Variants in TRDN observed in about 807,000 individuals in gnomAD.
TRDN encodes triadin, also known as triadin in skeletal muscle.
TRDN carries 161 observed loss-of-function variants against 149.7 expected under a neutral mutation model. The observed-to-expected ratio is 1.08, with a 90% CI of 0.95 to 1.23. The LOEUF is 1.23. TRDN is among the 50% of genes most tolerant of loss of function. TRDN has a pLI of 0.00. For missense variants in TRDN, 896 were observed against 823.5 expected, an observed-to-expected ratio of 1.09 and a Z score of -1.08; for synonymous variants, 294 against 250.5, an observed-to-expected ratio of 1.17 and a Z score of -1.64.
intron 1 of TRDN, among the ~76,000 whole-genome samples, chr6:123,616,169 A>G (rs1324435981): frequency 6.6e-6 from 1 of 152,056 alleles, no homozygotes. Flanking sequence ...TTGGCAACAC[A>G]GTAAGATCCT....
At chr6:123,576,658 A>G (rs1027849332) in intron 1 of TRDN, among the ~76,000 whole-genome samples, 2 of 151,674 alleles carry the variant, frequency 1.3e-5, no homozygotes, top group African/African-American at 2.4e-5. Flanking sequence ...AGTGGCCCCA[A>G]CTCCTAATGC....
chr6:123,563,372 C>G (rs981901572), intron 2 of TRDN, among the ~76,000 whole-genome samples: 1 of 152,150 alleles, frequency 6.6e-6, no homozygotes, highest in Non-Finnish European at 1.5e-5. Flanking sequence ...CTACTTCTGG[C>G]TTCTTTTATC....
chr6:123,271,141 GT>G lies in TRDN; in HGVS notation c.1717del (p.Thr573GlnfsTer20). 1 of 1,529,556 alleles carries G rather than the reference GT, an allele frequency of 6.5e-7. No homozygotes were observed. 94.7% of individuals were successfully genotyped at this position (1,529,556 alleles called of 1,614,324 possible). On this transcript the variant is annotated frameshift_variant, in exon 30 of 41. Transcript: ENST00000334268. LOFTEE classifies it high-confidence loss of function. Reference sequence around the variant, plus strand: ...AAAATATAAAATACCTTATTTACCTGTTTTTTCTATTGTGACAGCTTTTACC... The same window carrying G: ...AAAATATAAAATACCTTATTTACCTGTTTTTCTATTGTGACAGCTTTTACC... Reference protein sequence around the residue: ...KQVKAVTIEKTAKPKPTKKAE... With the variant: ...KQVKAVTIEKXAKPKPTKKAE...
At chr6:123,609,358 C>T (rs981418948) in intron 1 of TRDN, among the ~76,000 whole-genome samples, 4 of 151,896 alleles carry the variant, frequency 2.6e-5, no homozygotes, top group Non-Finnish European at 5.9e-5. Flanking sequence ...CAGCATAACC[C>T]CATTTTTGTA....
chr6:123,571,483 A>G (rs1782574672), intron 1 of TRDN, among the ~76,000 whole-genome samples: 1 of 146,548 alleles, frequency 6.8e-6, no homozygotes, highest in Admixed American at 6.7e-5. Flanking sequence ...TAATGAGGTC[A>G]TTCATGTTTT....
intron 16 of TRDN, 30 bp downstream of exon 16, chr6:123,381,340 T>G: frequency 2.6e-6 from 4 of 1,542,298 alleles, no homozygotes; most frequent in Non-Finnish European, 3.5e-6. Flanking sequence ...AAAAAAAAAG[T>G]ACACAAATAC....
chr6:123,636,883 G>A lies in TRDN; in HGVS notation c.-108C>T. 3 of 1,315,694 alleles carry A rather than the reference G, an allele frequency of 2.3e-6. No individual in the cohort carries two copies. The highest frequency in any genetic ancestry group is 3.3e-6 in the Non-Finnish European group (3 of 920,136). 81.5% of individuals were successfully genotyped at this position (1,315,694 alleles called of 1,614,324 possible). A position where few individuals can be genotyped will look rare whatever the true frequency, so the allele number is the denominator to read the frequency against. ...GTGGAGGGTTCTGTGTCAAAACCTG[G>A]GGGCTCTTCGTTTTCCTGGCTGTTT... On this transcript the variant is annotated 5_prime_UTR_variant, in exon 1 of 41. Transcript: ENST00000334268.
At chr6:123,511,488 A>C (rs1258840354) in intron 7 of TRDN, among the ~76,000 whole-genome samples, 1 of 152,168 alleles carries the variant, frequency 6.6e-6, no homozygotes, top group Admixed American at 6.6e-5. Context: ...TATTGAAAAT[A>C]AATAATTTTT....
intron 14 of TRDN, among the ~76,000 whole-genome samples, chr6:123,387,502 G>A (rs1006396068): frequency 1.1e-4 from 17 of 151,980 alleles, no homozygotes; most frequent in African/African-American, 3.1e-4. Flanking sequence ...CTGCTTGGGC[G>A]TTTACTGTGT....
chr6:123,519,030 T>C (rs955294550), intron 5 of TRDN, among the ~76,000 whole-genome samples: 6 of 152,156 alleles, frequency 3.9e-5, no homozygotes, highest in African/African-American at 1.4e-4. Flanking sequence ...GGAGTTTTCA[T>C]ATGGAAGAAG....
intron 24 of TRDN, among the ~76,000 whole-genome samples, chr6:123,279,517 A>G (rs574490536): frequency 1.3e-5 from 2 of 151,998 alleles, no homozygotes; most frequent in Admixed American, 6.6e-5. Flanking sequence ...TGAATAGTCA[A>G]CACTTTTCTC....
At chr6:123,608,836 GC>G (rs1784649189) in intron 1 of TRDN, among the ~76,000 whole-genome samples, 1 of 151,514 alleles carries the variant, frequency 6.6e-6, no homozygotes, top group African/African-American at 2.4e-5. Flanking sequence ...GAATCACTGA[GC>G]AAAAATATGA....
intron 24 of TRDN, among the ~76,000 whole-genome samples, chr6:123,281,796 G>C (rs1777591741): frequency 6.6e-6 from 1 of 152,006 alleles, no homozygotes; most frequent in Non-Finnish European, 1.5e-5. Flanking sequence ...TTCCGAGTTA[G>C]TTGTCTACAT....
intron 7 of TRDN, among the ~76,000 whole-genome samples, chr6:123,508,512 A>G (rs1779030009): frequency 6.6e-6 from 1 of 152,184 alleles, no homozygotes; most frequent in Admixed American, 6.6e-5. Context: ...TGACATCCAC[A>G]TCAATTAGAC....
rs1202359673 is a variant in TRDN at position 123,217,110 on chromosome 6, G to C, written c.*1491C>G. 1 of 151,922 alleles carries C rather than the reference G, an allele frequency of 6.6e-6. No homozygotes were observed. Among genetic ancestry groups the C allele is most frequent in the Non-Finnish European group, 1.5e-5 (1 of 67,926 alleles). The allele number at this position is 151,922 out of a possible 1,614,324, so 9.4% of individuals were successfully genotyped here. On this transcript the variant is annotated 3_prime_UTR_variant, in exon 41 of 41. Transcript: ENST00000334268. ...ACCCCATAAAGAGAGTCATTAATCTGGTTCATGTGACACTGGCTTTCGTGG... is the reference window on the plus strand; with the variant it reads ...ACCCCATAAAGAGAGTCATTAATCTCGTTCATGTGACACTGGCTTTCGTGG...
chr6:123,526,129 T>C (rs1232052860), intron 5 of TRDN, among the ~76,000 whole-genome samples: 1 of 151,896 alleles, frequency 6.6e-6, no homozygotes, highest in Non-Finnish European at 1.5e-5. Context: ...CATTTCTCAG[T>C]TGTGTTAAGA....
intron 1 of TRDN, among the ~76,000 whole-genome samples, chr6:123,621,084 G>A (rs977280125): frequency 6.6e-6 from 1 of 152,008 alleles, no homozygotes; most frequent in African/African-American, 2.4e-5. Flanking sequence ...TTGGCAATGA[G>A]GACATGACAT....
At chr6:123,559,068 G>C (rs1260350827) in intron 2 of TRDN, among the ~76,000 whole-genome samples, 1 of 152,206 alleles carries the variant, frequency 6.6e-6, no homozygotes, top group Non-Finnish European at 1.5e-5. Flanking sequence ...CTCTCTGACT[G>C]ACTCCTTCCC....
At chr6:123,486,947 A>G (rs562739139) in intron 9 of TRDN, among the ~76,000 whole-genome samples, 1 of 152,186 alleles carries the variant, frequency 6.6e-6, no homozygotes, top group African/African-American at 2.4e-5. Context: ...TATGCAGTAG[A>G]TAGTAGAACA....
Sources: gnomAD v4.1 joint callset for allele counts (sites outside exome capture counted in the v4.1 genomes callset) on GRCh38, gnomAD v4.1.1 for gene constraint, MANE v1.5 for transcripts, NCBI Gene and HGNC (gene_info 2026-07-23, HGNC 2026-07-21) for gene names.